The following ESR1 variants were observed in gnomAD, a reference collection of about 807,000 sequenced individuals.
ESR1 encodes estrogen receptor.
In ESR1, 12 loss-of-function variants were observed where a neutral mutation model predicts 52.7. The ratio of observed to expected loss-of-function variants is 0.23; its 90% CI spans 0.15 to 0.37. The LOEUF (loss-of-function observed/expected upper bound fraction) is 0.37, where lower values mean the gene tolerates loss of function less well. Among genes scored for constraint, ESR1 ranks in the 10% least tolerant of loss-of-function variants. The probability of loss-of-function intolerance (pLI) is 1.00; values close to 1 mark genes in which losing one functional copy is unlikely to be tolerated. For missense variants in ESR1, 584 were observed against 779.7 expected, an observed-to-expected ratio of 0.75 and a Z score of 2.99; for synonymous variants, 305 against 316.8, an observed-to-expected ratio of 0.96 and a Z score of 0.39.
chr6:152,070,974 TTGAG>T (rs1393254461), intron 6 of ESR1, among the ~76,000 whole-genome samples: 4 of 138,540 alleles, frequency 2.9e-5, no homozygotes, highest in South Asian at 2.3e-4. Flanking sequence ...TCACCATTTA[TTGAG>T]TGTTTACTAC....
chr6:151,910,047 G>T (rs185950917), intron 3 of ESR1, among the ~76,000 whole-genome samples: 1 of 151,516 alleles, frequency 6.6e-6, no homozygotes, highest in Admixed American at 6.6e-5. Context: ...CATTCAATTG[G>T]CAGTACCACC....
At chr6:151,829,418 A>G (rs1456088980) in intron 1 of ESR1, among the ~76,000 whole-genome samples, 1 of 152,106 alleles carries the variant, frequency 6.6e-6, no homozygotes, top group Non-Finnish European at 1.5e-5. Flanking sequence ...CTCATTTTAG[A>G]AAAGTGATTT....
intron 4 of ESR1, among the ~76,000 whole-genome samples, chr6:152,002,824 A>C (rs1005117662): frequency 1.3e-5 from 2 of 152,066 alleles, no homozygotes; most frequent in African/African-American, 4.8e-5. Flanking sequence ...AGACTAGTTT[A>C]CCTTCAAGCT....
chr6:151,885,922 T>C (rs1253298520), intron 3 of ESR1, among the ~76,000 whole-genome samples: 1 of 152,178 alleles, frequency 6.6e-6, no homozygotes, highest in African/African-American at 2.4e-5. Context: ...AGATGACAAA[T>C]CGTAACATGG....
intron 4 of ESR1, among the ~76,000 whole-genome samples, chr6:151,957,171 G>A (rs562688870): frequency 1.3e-5 from 2 of 152,022 alleles, no homozygotes; most frequent in South Asian, 4.1e-4. Flanking sequence ...ACCACCACGT[G>A]CGACCCACAT....
exon 7 of ESR1, chr6:152,125,348 A>G: frequency 6.5e-7 from 1 of 1,550,178 alleles, no homozygotes; most frequent in Admixed American, 2.0e-5. Flanking sequence ...CTCGTGTCTA[A>G]AGCCTCTGGT....
At chr6:151,687,588 G>A (rs1160480930), upstream of ESR1, among the ~76,000 whole-genome samples, 3 of 152,122 alleles carry the variant, frequency 2.0e-5, no homozygotes, top group Admixed American at 1.3e-4. Context: ...TTTTATTTTA[G>A]CCTGAATCAC....
At chr6:152,050,903 AATATTGTGCTTTGTT>A (rs1443145098) in intron 5 of ESR1, among the ~76,000 whole-genome samples, 1 of 152,172 alleles carries the variant, frequency 6.6e-6, no homozygotes, top group Non-Finnish European at 1.5e-5. Flanking sequence ...TCAGCTGTTT[AATATTGTGCTTTGTT>A]ATAAGGATAG....
At chr6:151,868,371 GC>G (rs1182856168) in intron 2 of ESR1, among the ~76,000 whole-genome samples, 1 of 152,074 alleles carries the variant, frequency 6.6e-6, no homozygotes, top group African/African-American at 2.4e-5. Flanking sequence ...CAGGTGATCT[GC>G]CCACCTCGGC....
At chr6:151,878,342 G>A (rs749740235) in intron 2 of ESR1, among the ~76,000 whole-genome samples, 4 of 152,184 alleles carry the variant, frequency 2.6e-5, no homozygotes, top group Admixed American at 6.6e-5. Flanking sequence ...ATCTGAATCC[G>A]TGTGTGGTCT....
At chr6:152,033,609 A>G in intron 5 of ESR1, among the ~76,000 whole-genome samples, 2 of 152,228 alleles carry the variant, frequency 1.3e-5, no homozygotes, top group Non-Finnish European at 2.9e-5. Context: ...ATCTCACACC[A>G]GTTAGAATGG....
intron 2 of ESR1, among the ~76,000 whole-genome samples, chr6:151,709,487 G>T (rs927267320): frequency 1.3e-5 from 2 of 152,058 alleles, no homozygotes; most frequent in African/African-American, 2.4e-5. Context: ...CATTCGCTTT[G>T]GGCATATACC....
intron 7 of ESR1, among the ~76,000 whole-genome samples, chr6:152,097,203 T>C (rs1287809529): frequency 6.6e-6 from 1 of 151,894 alleles, no homozygotes; most frequent in Non-Finnish European, 1.5e-5. Context: ...ATTGTAATAA[T>C]AATAATATTT....
intron 3 of ESR1, among the ~76,000 whole-genome samples, chr6:151,918,289 G>A (rs889550021): frequency 9.2e-5 from 14 of 152,198 alleles, no homozygotes; most frequent in Admixed American, 7.2e-4. Flanking sequence ...CTGCCACCCT[G>A]GTAGGCCCTG....
rs545054449 is a variant in ESR1 at position 152,039,709 on chromosome 6, C to T, written c.1236-21282C>T. Among the ~76,000 whole-genome samples the T allele has an allele frequency of 3.9e-5, 6 of 152,180 alleles. No homozygotes were observed. In the East Asian group the frequency reaches 7.7e-4, roughly 20 times the overall value. ...CAGTACCAAATACTGGACACTGATCCGGAGCATACACAGCCTTCTGGAAAA... is the reference window on the plus strand; with the variant it reads ...CAGTACCAAATACTGGACACTGATCTGGAGCATACACAGCCTTCTGGAAAA... On this transcript the variant is annotated intron_variant, in intron 5 of 7. Coordinates refer to ENST00000206249, the MANE Select transcript of ESR1 (RefSeq NM_000125.4).
chr6:151,858,859 C>A (rs997270249), intron 2 of ESR1, among the ~76,000 whole-genome samples: 2 of 152,018 alleles, frequency 1.3e-5, no homozygotes, highest in African/African-American at 4.8e-5. Flanking sequence ...AATCATTTAC[C>A]AAGAAATAAC....
intron 4 of ESR1, among the ~76,000 whole-genome samples, chr6:151,958,315 G>GA (rs59876115): frequency 0.2 from 30,937 of 151,804 alleles, 3,972 homozygotes; most frequent in African/African-American, 0.36. Flanking sequence ...CTCTTTTGGG[G>GA]AAAAAAAATC....
chr6:151,675,909 G>T (rs1269943109), intron 1 of ESR1, among the ~76,000 whole-genome samples: 3 of 152,222 alleles, frequency 2.0e-5, no homozygotes, highest in Non-Finnish European at 2.9e-5. Context: ...TATGGACCAG[G>T]TGGGGGCAGC....
chr6:151,956,015 T>A (rs1291301417), intron 4 of ESR1, among the ~76,000 whole-genome samples: 1 of 152,182 alleles, frequency 6.6e-6, no homozygotes, highest in Non-Finnish European at 1.5e-5. Flanking sequence ...AGGATAATGG[T>A]CTCCAATTCC....
Sources: allele counts gnomAD v4.1 joint callset (sites outside exome capture counted in the v4.1 genomes callset), GRCh38; gene constraint gnomAD v4.1.1; transcripts MANE v1.5; gene names NCBI Gene and HGNC (gene_info 2026-07-23, HGNC 2026-07-21).